Variants in CATSPERE observed in about 807,000 individuals in gnomAD.
CATSPERE encodes cation channel sperm-associated auxiliary subunit epsilon.
A neutral mutation model predicts 114.1 loss-of-function variants in CATSPERE; 93 were observed. That is an observed-to-expected ratio of 0.81 (90% CI 0.69 to 0.97). The LOEUF is 0.97. Ranked by LOEUF, CATSPERE falls within the 50% of genes least tolerant of loss-of-function variation. The probability of loss-of-function intolerance (pLI) is 0.00; values close to 1 mark genes in which losing one functional copy is unlikely to be tolerated. For synonymous variants in CATSPERE, 341 were observed against 384.1 expected (o/e 0.89, Z 1.31); for missense variants, 1,058 against 1,131.6 (o/e 0.93, Z 0.93).
intron 9 of CATSPERE, among the ~76,000 whole-genome samples, chr1:244,554,202 T>G (rs1010330554): frequency 3.3e-5 from 5 of 152,206 alleles, no homozygotes; most frequent in Non-Finnish European, 5.9e-5. Flanking sequence ...TACCCGGTAG[T>G]GGGAATGCTG....
At chr1:244,595,706 C>T (rs925599692) in intron 17 of CATSPERE, among the ~76,000 whole-genome samples, 3 of 152,090 alleles carry the variant, frequency 2.0e-5, no homozygotes, top group Admixed American at 2.0e-4. Context: ...CCGAGGCGGG[C>T]GGATCACGAG....
intron 4 of CATSPERE, among the ~76,000 whole-genome samples, chr1:244,479,028 CAAAAAA>C (rs1161485991): frequency 2.3e-4 from 11 of 47,502 alleles, no homozygotes; most frequent in African/African-American, 9.7e-4. Context: ...AACTTCGTCT[CAAAAAA>C]AAAAAAAAAA....
intron 19 of CATSPERE, among the ~76,000 whole-genome samples, chr1:244,613,520 T>A (rs1016961715): frequency 6.6e-6 from 1 of 152,182 alleles, no homozygotes; most frequent in Non-Finnish European, 1.5e-5. Context: ...AATTATAGGA[T>A]AATTCACCTA....
chr1:244,451,629 C>T (rs761230604), upstream of CATSPERE: 43 of 1,606,730 alleles, frequency 2.7e-5, no homozygotes, highest in Admixed American at 2.7e-4. The surrounding 1 kb of genome is among the most constrained non-coding windows in gnomAD (Gnocchi z 6.6). Flanking sequence ...GGCCCCGTCG[C>T]CTCACCTGGC....
At chr1:244,596,434 C>T (rs1199442096) in intron 17 of CATSPERE, among the ~76,000 whole-genome samples, 2 of 152,184 alleles carry the variant, frequency 1.3e-5, no homozygotes, top group Admixed American at 1.3e-4. Flanking sequence ...TCACTGTCAG[C>T]TCAATCTTGA....
At position 244,560,758 on chromosome 1, in the gene CATSPERE, A is replaced by G; in HGVS notation, c.1120A>G (p.Thr374Ala). 6.2e-7 allele frequency: 1 copy of G among 1,614,024 alleles called. No individual in the cohort carries two copies. The highest frequency in any genetic ancestry group is 2.2e-5 in the East Asian group (1 of 44,862). Residue 374 changes from threonine (T) to alanine (A), a missense_variant, in exon 10 of 22, where the codon ACC (threonine) becomes GCC (alanine). Transcript: ENST00000366534. ...ILLKFARLVT[T>A]TELKNILSLS... ...TCTTAAGTTTGCCAGATTAGTAACTACCACAGAACTGAAAAACATCCTAAG... is the reference window on the plus strand; with the variant it reads ...TCTTAAGTTTGCCAGATTAGTAACTGCCACAGAACTGAAAAACATCCTAAG...
Position 244,499,109 on chromosome 1 carries a change from A to G in CATSPERE, c.429+30A>G, listed in dbSNP as rs375777689. 1.1e-4 allele frequency: 174 copies of G among 1,517,388 alleles called. No homozygotes were observed. The African/African-American group carries it at 2.2e-3, about 19-fold the overall frequency. 94.0% of individuals were successfully genotyped at this position (1,517,388 alleles called of 1,614,324 possible). Reference sequence around the variant, plus strand: ...GTGGAAACATTAGTATCGTCATAGTAAGAACAGAATGCTGCCTTTCTTTTG... The same window carrying G: ...GTGGAAACATTAGTATCGTCATAGTGAGAACAGAATGCTGCCTTTCTTTTG... On this transcript the variant is annotated intron_variant, in intron 7 of 21. Transcript: ENST00000366534.
intron 7 of CATSPERE, among the ~76,000 whole-genome samples, chr1:244,502,589 C>T (rs1458890626): frequency 6.6e-6 from 1 of 152,156 alleles, no homozygotes; most frequent in African/African-American, 2.4e-5. Flanking sequence ...TCACCGGCTC[C>T]TTACTTCCAC....
At chr1:244,626,949 GCTAA>G (rs1468916729) in intron 20 of CATSPERE, among the ~76,000 whole-genome samples, 2 of 152,148 alleles carry the variant, frequency 1.3e-5, no homozygotes, top group East Asian at 1.9e-4. Context: ...TCACGATGTG[GCTAA>G]CTGTCGGTGC....
chr1:244,456,079 C>T (rs866677333), intron 1 of CATSPERE, among the ~76,000 whole-genome samples: 11 of 134,484 alleles, frequency 8.2e-5, no homozygotes, highest in Middle Eastern at 3.6e-3. Flanking sequence ...CATGGAAACA[C>T]CCCCCCGCCC....
chr1:244,461,516 G>C (rs750298294), intron 1 of CATSPERE, 22 bp downstream of exon 1: 3 of 1,291,328 alleles, frequency 2.3e-6, no homozygotes, highest in Non-Finnish European at 3.0e-6. Context: ...CCAGTCGCAG[G>C]CGAGCGACTA....
rs548256306 is a variant in CATSPERE at position 244,542,848 on chromosome 1, A to G, written c.537-9474A>G. 2.6e-5 allele frequency among the ~76,000 whole-genome samples: 4 copies of G among 152,310 alleles called. No individual in the cohort carries two copies. The South Asian group carries it at 8.3e-4, about 32-fold the overall frequency. ...TACAGATTCCAAACAACAATACAAT[A>G]GGTATGTGAAAAAAAGTGCAGCATC... On this transcript the variant is annotated intron_variant, in intron 8 of 21. Coordinates refer to ENST00000366534, the MANE Select transcript of CATSPERE (RefSeq NM_001130957.2).
rs1303351750 is a variant in CATSPERE, at chr1:244,573,007, A to G, written c.1950+235A>G. Among the ~76,000 whole-genome samples, 1 of 151,836 alleles carries G rather than the reference A, an allele frequency of 6.6e-6. No individual in the cohort carries two copies. The highest frequency in any genetic ancestry group is 6.6e-5 in the Admixed American group (1 of 15,240). On this transcript the variant is annotated intron_variant, in intron 11 of 21. Transcript: ENST00000366534. The surrounding 1 kb of genome is among the most constrained non-coding windows in gnomAD (Gnocchi z 4.0). ...CACATTCCTTCAAAACTCATTGTCA[A>G]TTGTATTGTTCACTTCTTCTTCTTT...
At chr1:244,622,925 A>C (rs1296629148) in intron 20 of CATSPERE, among the ~76,000 whole-genome samples, 1 of 152,200 alleles carries the variant, frequency 6.6e-6, no homozygotes, top group Non-Finnish European at 1.5e-5. Flanking sequence ...ACACCCAAGC[A>C]GCAGGTATAT....
At chr1:244,509,792 G>A (rs547703801) in intron 7 of CATSPERE, among the ~76,000 whole-genome samples, 1 of 151,984 alleles carries the variant, frequency 6.6e-6, no homozygotes, top group Admixed American at 6.6e-5. Context: ...ATTTCTTCCT[G>A]GTATAATCAT....
intron 9 of CATSPERE, among the ~76,000 whole-genome samples, chr1:244,559,256 G>A (rs4130695): frequency 1.3e-5 from 2 of 152,110 alleles, no homozygotes; most frequent in South Asian, 4.1e-4. Flanking sequence ...TCTTCTTTAA[G>A]AATTGTTTCC....
rs74756116 is a variant in CATSPERE at position 244,462,714 on chromosome 1, T to C, written c.66-1194T>C. ...AATACATGACTTTTTTTTAATTCGA[T>C]CTGTATATACAGAAAATGTGTTTCA... On this transcript the variant is annotated intron_variant, in intron 1 of 21. Coordinates refer to ENST00000366534, the MANE Select transcript of CATSPERE (RefSeq NM_001130957.2). Among the ~76,000 whole-genome samples the C allele has an allele frequency of 2.4e-3, 361 of 152,312 alleles. 9 individuals are homozygous for C. In the East Asian group the frequency reaches 0.051, roughly 22 times the overall value.
chr1:244,561,770 C>T (rs977579085), intron 10 of CATSPERE, among the ~76,000 whole-genome samples: 2 of 152,122 alleles, frequency 1.3e-5, no homozygotes, highest in African/African-American at 2.4e-5. Context: ...AAATATAACA[C>T]GCTCAAACAA....
At chr1:244,523,175 A>G (rs1373654072) in intron 8 of CATSPERE, among the ~76,000 whole-genome samples, 31 of 149,262 alleles carry the variant, frequency 2.1e-4, no homozygotes, top group South Asian at 1.7e-3. Flanking sequence ...TGCAAGGCTG[A>G]TTCAATATAC....
Sources: gnomAD v4.1 joint callset for allele counts (sites outside exome capture counted in the v4.1 genomes callset) on GRCh38, gnomAD v4.1.1 for gene constraint, Gnocchi (gnomAD v3.1) non-coding constraint, MANE v1.5 for transcripts, NCBI Gene and HGNC (gene_info 2026-07-23, HGNC 2026-07-21) for gene names.